The following EYS variants were observed in gnomAD, a reference collection of about 807,000 sequenced individuals.
EYS encodes protein eyes shut homolog.
A neutral mutation model predicts 282.1 loss-of-function variants in EYS; 250 were observed. The observed-to-expected ratio is 0.89, with a 90% CI of 0.80 to 0.98. The LOEUF is 0.98. EYS is among the 50% of genes least tolerant of loss of function. The probability of loss-of-function intolerance (pLI) is 0.00; values close to 1 mark genes in which losing one functional copy is unlikely to be tolerated. For synonymous variants in EYS, 1,355 were observed against 1,282.9 expected (o/e 1.06, Z -1.20); for missense variants, 4,016 against 3,709.0 (o/e 1.08, Z -2.15).
chr6:64,155,522 T>A (rs1774886953), intron 31 of EYS, among the ~76,000 whole-genome samples: 1 of 152,060 alleles, frequency 6.6e-6, no homozygotes, highest in Non-Finnish European at 1.5e-5. Context: ...GGGGTAACTT[T>A]TAAGGGGTCA....
chr6:63,942,237 G>A (rs1238285852), intron 35 of EYS, among the ~76,000 whole-genome samples: 3 of 152,148 alleles, frequency 2.0e-5, no homozygotes, highest in Admixed American at 2.0e-4. Context: ...TGTCATCATT[G>A]TTATAGAGAA....
intron 18 of EYS, among the ~76,000 whole-genome samples, chr6:64,896,612 C>T (rs537312320): frequency 2.6e-5 from 4 of 151,732 alleles, no homozygotes; most frequent in Non-Finnish European, 4.4e-5. Flanking sequence ...CCCTTCACTC[C>T]GATGGAAAGG....
rs758827234 is a variant in EYS at position 65,402,461 on chromosome 6, C to G, written c.1184+17G>C. The G allele has an allele frequency of 1.4e-6, 2 of 1,446,082 alleles. No homozygotes were observed. Among genetic ancestry groups the G allele is most frequent in the Admixed American group, 3.4e-5 (2 of 59,312 alleles). 89.6% of individuals were successfully genotyped at this position (1,446,082 alleles called of 1,614,324 possible). ...CCATGTACTTTGTATTAAAAATAAA[C>G]AGAAAATTAATTATACCTGCAAGGA... On this transcript the variant is annotated intron_variant, in intron 7 of 42. Coordinates refer to ENST00000503581, the MANE Select transcript of EYS (RefSeq NM_001142800.2).
At chr6:64,624,988 G>A (rs116367008) in intron 23 of EYS, among the ~76,000 whole-genome samples, 1,668 of 152,134 alleles carry the variant, frequency 0.011, 30 homozygotes, top group African/African-American at 0.038. Context: ...TAATCCTCTC[G>A]CCTCAATATA....
intron 2 of EYS, among the ~76,000 whole-genome samples, chr6:65,539,733 T>C (rs1383975213): frequency 2.6e-5 from 4 of 152,202 alleles, no homozygotes; most frequent in Non-Finnish European, 5.9e-5. Flanking sequence ...CAGTTTGCTT[T>C]AAAAAATTTA....
chr6:65,500,757 T>C (rs1361842086), intron 2 of EYS, among the ~76,000 whole-genome samples: 1 of 151,972 alleles, frequency 6.6e-6, no homozygotes, highest in Non-Finnish European at 1.5e-5. Context: ...TCCCTCTTAT[T>C]TCTCTCTCCC....
intron 12 of EYS, among the ~76,000 whole-genome samples, chr6:65,120,945 A>G (rs1190245027): frequency 6.6e-6 from 1 of 152,124 alleles, no homozygotes; most frequent in African/African-American, 2.4e-5. Context: ...TATTTTAAAT[A>G]TCTGGTTTTC....
At chr6:65,666,771 C>T (rs1768214813) in intron 1 of EYS, among the ~76,000 whole-genome samples, 1 of 151,202 alleles carries the variant, frequency 6.6e-6, no homozygotes. Flanking sequence ...ATCCTATAGA[C>T]ATCTTCTAGA....
intron 11 of EYS, among the ~76,000 whole-genome samples, chr6:65,301,203 T>G (rs1280420001): frequency 6.6e-6 from 1 of 152,134 alleles, no homozygotes; most frequent in Non-Finnish European, 1.5e-5. Context: ...TTATTGAAAG[T>G]CTAGATTTTG....
At chr6:64,514,724 G>T (rs776051132) in intron 26 of EYS, among the ~76,000 whole-genome samples, 4 of 151,890 alleles carry the variant, frequency 2.6e-5, no homozygotes, top group Non-Finnish European at 5.9e-5. Context: ...ACCAAGTCAG[G>T]TTCAACCTAA....
chr6:65,616,140 G>T (rs1026655787), intron 2 of EYS, among the ~76,000 whole-genome samples: 5 of 151,892 alleles, frequency 3.3e-5, no homozygotes, highest in Admixed American at 3.3e-4. Flanking sequence ...ATAATGGAAG[G>T]CTGATATCCA....
intron 31 of EYS, among the ~76,000 whole-genome samples, chr6:64,100,672 A>C (rs1772794826): frequency 6.6e-6 from 1 of 152,080 alleles, no homozygotes; most frequent in Non-Finnish European, 1.5e-5. Context: ...ATATCCTGAC[A>C]CTTTCATACT....
At chr6:65,598,122 AC>A (rs777912620) in intron 2 of EYS, among the ~76,000 whole-genome samples, 62 of 76,428 alleles carry the variant, frequency 8.1e-4, no homozygotes, top group Non-Finnish European at 1.4e-3. Context: ...ACAAAACAAA[AC>A]AAACAAACAA....
At chr6:64,954,717 G>A (rs967338687) in intron 14 of EYS, among the ~76,000 whole-genome samples, 1 of 152,100 alleles carries the variant, frequency 6.6e-6, no homozygotes, top group Non-Finnish European at 1.5e-5. Context: ...GAGCAAGATG[G>A]TGGAATAGAA....
intron 29 of EYS, among the ~76,000 whole-genome samples, chr6:64,373,929 A>G (rs1434360120): frequency 6.6e-6 from 1 of 152,006 alleles, no homozygotes; most frequent in Non-Finnish European, 1.5e-5. Flanking sequence ...ACAGGGTCAG[A>G]AGAGCTAATA....
chr6:65,438,155 C>T (rs963600570), intron 5 of EYS, among the ~76,000 whole-genome samples: 1 of 151,946 alleles, frequency 6.6e-6, no homozygotes, highest in Non-Finnish European at 1.5e-5. Flanking sequence ...TGGTTTCCAG[C>T]TTCATCCATG....
At chr6:65,489,276 CAAG>C (rs1765932970) in intron 5 of EYS, 2 of 152,040 alleles carry the variant, frequency 1.3e-5, no homozygotes, top group African/African-American at 4.8e-5. Flanking sequence ...TACAAATTTA[CAAG>C]AAGAAAGCAA....
chr6:65,501,491 C>A (rs1050976992), intron 2 of EYS, among the ~76,000 whole-genome samples: 2 of 151,316 alleles, frequency 1.3e-5, no homozygotes, highest in African/African-American at 4.9e-5. Context: ...ATTATCGTTG[C>A]CATTATACAG....
At chr6:64,336,570 G>C (rs1322542154) in intron 29 of EYS, among the ~76,000 whole-genome samples, 2 of 152,072 alleles carry the variant, frequency 1.3e-5, no homozygotes, top group Non-Finnish European at 2.9e-5. Flanking sequence ...AGGTCATCAA[G>C]ACAGAAAGTC....
Sources: gnomAD v4.1 joint callset for allele counts (sites outside exome capture counted in the v4.1 genomes callset) on GRCh38, gnomAD v4.1.1 for gene constraint, MANE v1.5 for transcripts, NCBI Gene and HGNC (gene_info 2026-07-23, HGNC 2026-07-21) for gene names.